The following SVIL variants were observed in gnomAD, a reference collection of about 807,000 sequenced individuals.
The protein encoded by SVIL is supervillin.
A neutral mutation model predicts 240.4 loss-of-function variants in SVIL; 101 were observed. The observed-to-expected ratio is 0.42, with a 90% CI of 0.36 to 0.50. The LOEUF is 0.50. SVIL is among the 20% of genes least tolerant of loss of function. SVIL has a pLI of 0.01. For missense variants in SVIL, 2,512 were observed against 2,818.7 expected (o/e 0.89, Z 2.46); for synonymous variants, 999 against 1,100.0 (o/e 0.91, Z 1.82).
chr10:29,730,939 C>T (rs12359769), intron 1 of SVIL, among the ~76,000 whole-genome samples: 27,254 of 152,136 alleles, frequency 0.18, 2,828 homozygotes, highest in Admixed American at 0.24. Flanking sequence ...GGGGTGCTGG[C>T]CAGGAACTGG....
chr10:29,669,608 G>C (rs1420406840), intron 2 of SVIL, among the ~76,000 whole-genome samples: 1 of 152,194 alleles, frequency 6.6e-6, no homozygotes, highest in East Asian at 1.9e-4. Flanking sequence ...CTCTATAGGA[G>C]GCCCCCACAG....
chr10:29,542,454 C>T (rs746007766), intron 6 of SVIL, among the ~76,000 whole-genome samples: 6 of 152,064 alleles, frequency 3.9e-5, no homozygotes, highest in South Asian at 2.1e-4. Context: ...AAAATCCTTA[C>T]GAAATTGCTA....
Position 29,563,301 on chromosome 10 carries a change from T to G in SVIL, c.-142-9A>C, listed in dbSNP as rs548810412. ...AGAACTCCTTCTGAAAGCTAAAAAT[T>G]ACTCCATTAATAAAGTTAAGTCCAT... is the stretch of plus-strand genomic sequence containing the variant. On this transcript the variant is annotated splice_polypyrimidine_tract_variant and intron_variant, in intron 2 of 37. Coordinates refer to ENST00000355867, the MANE Select transcript of SVIL (RefSeq NM_021738.3). 7.1e-6 allele frequency: 7 copies of G among 984,098 alleles called. No homozygotes were observed. The East Asian group carries it at 7.9e-4, about 112-fold the overall frequency. 61.0% of individuals were successfully genotyped at this position (984,098 alleles called of 1,614,324 possible).
At chr10:29,605,735 T>A (rs1480768089) in intron 1 of SVIL, among the ~76,000 whole-genome samples, 1 of 147,710 alleles carries the variant, frequency 6.8e-6, no homozygotes, top group African/African-American at 2.5e-5. Context: ...ATATATTATT[T>A]ACATAATATA....
chr10:29,488,999 G>C (rs1947701340), intron 22 of SVIL, among the ~76,000 whole-genome samples: 1 of 152,220 alleles, frequency 6.6e-6, no homozygotes, highest in Non-Finnish European at 1.5e-5. Flanking sequence ...TGTGCAGAGG[G>C]ACAAGAACTG....
intron 1 of SVIL, among the ~76,000 whole-genome samples, chr10:29,593,856 C>T (rs114523000): frequency 0.013 from 1,916 of 152,220 alleles, 33 homozygotes; most frequent in African/African-American, 0.041. Flanking sequence ...AATTTATACC[C>T]AGTTCTAAGA....
chr10:29,660,335 G>C (rs1959120684), intron 2 of SVIL, among the ~76,000 whole-genome samples: 1 of 152,066 alleles, frequency 6.6e-6, no homozygotes, highest in Non-Finnish European at 1.5e-5. Flanking sequence ...AAAAAGGCAG[G>C]GTGGGGTGGC....
Position 29,523,918 on chromosome 10 carries a change from G to C in SVIL, c.2696C>G (p.Pro899Arg), listed in dbSNP as rs766993939. Residue 899 changes from proline to arginine, a missense_variant, in exon 15 of 38, where the codon CCT (proline) becomes CGT (arginine). Coordinates refer to ENST00000355867, the MANE Select transcript of SVIL (RefSeq NM_021738.3). ...MYAGDLRTKP[P>R]LDHNASATDY... ...AGTGGCACTTGCATTGTGGTCAAGA[G>C]GTGGCTTTGTGCGAAGATCTCCGGC... The C allele has an allele frequency of 4.0e-5, 64 of 1,614,194 alleles. No individual in the cohort carries two copies. In the Middle Eastern group the frequency reaches 4.9e-4, roughly 12 times the overall value.
chr10:29,726,640 G>A lies in SVIL; in HGVS notation c.-400+9111C>T, dbSNP rs1003500860. Among the ~76,000 whole-genome samples the A allele has an allele frequency of 2.2e-4, 33 of 152,046 alleles. 1 individual carries two copies. Among genetic ancestry groups the A allele is most frequent in the Admixed American group, 2.1e-3 (32 of 15,260 alleles). On this transcript the variant is annotated intron_variant, in intron 1 of 35. Transcript: ENST00000375400. ...CAGGTGCCTGTAATCCCAGCTACTCGGGAGGCTGAGGCAGGAGAATGGCTT... is the reference window on the plus strand; with the variant it reads ...CAGGTGCCTGTAATCCCAGCTACTCAGGAGGCTGAGGCAGGAGAATGGCTT...
rs34507610 is a variant in SVIL, at chr10:29,562,769, GAAA to G, written c.-51+429_-51+431del. On this transcript the variant is annotated intron_variant, in intron 3 of 37. Coordinates refer to ENST00000355867, the MANE Select transcript of SVIL (RefSeq NM_021738.3). ...GAGCGAGACTCCGTCTCAAAAAAAA[GAAA>G]AAAAAAAAAAAAAAAAAAAAAAAAG... 9.9e-4 allele frequency among the ~76,000 whole-genome samples: 114 copies of G among 115,704 alleles called. 1 individual carries two copies. Among genetic ancestry groups the G allele is most frequent in the African/African-American group, 3.3e-3 (100 of 30,354 alleles). 75.9% of individuals were successfully genotyped at this position (115,704 alleles called of 152,430 possible). A position where few individuals can be genotyped will look rare whatever the true frequency, so the allele number is the denominator to read the frequency against.
At chr10:29,677,400 G>A (rs1343754242) in intron 2 of SVIL, among the ~76,000 whole-genome samples, 4 of 152,104 alleles carry the variant, frequency 2.6e-5, no homozygotes, top group African/African-American at 7.2e-5. Context: ...AATGCTGTCA[G>A]TGCTGCTCGG....
At position 29,476,930 on chromosome 10, in the gene SVIL, T is replaced by C. The variant is rs1163493438; in HGVS notation, c.5378-2941A>G. The stretch of plus-strand genomic sequence containing the variant: ...CGGGCTGGAGTGCAGTGACATGATC[T>C]TGGCTCAGTGCCACCTCCGCCTCCC... On this transcript the variant is annotated intron_variant, in intron 29 of 37. Transcript: ENST00000355867. Among the ~76,000 whole-genome samples, 12 of 152,316 alleles carry C rather than the reference T, an allele frequency of 7.9e-5. No homozygotes were observed. In the East Asian group the frequency reaches 1.9e-3, roughly 25 times the overall value.
chr10:29,569,480 C>T (rs1955271096), intron 1 of SVIL, among the ~76,000 whole-genome samples, 168 bp from the exon 2 acceptor site: 1 of 152,120 alleles, frequency 6.6e-6, no homozygotes. Context: ...GAATCAAATT[C>T]CACATGGAAA....
chr10:29,580,040 G>A (rs116704957), intron 1 of SVIL, among the ~76,000 whole-genome samples: 2,606 of 152,098 alleles, frequency 0.017, 50 homozygotes, highest in African/African-American at 0.054. Context: ...ATCTCTGAAG[G>A]CAAAACAGGG....
intron 1 of SVIL, among the ~76,000 whole-genome samples, chr10:29,687,628 G>A (rs897823496): frequency 1.3e-5 from 2 of 152,186 alleles, no homozygotes; most frequent in Non-Finnish European, 2.9e-5. Flanking sequence ...AGCCAAGATC[G>A]CGCCACCGCA....
chr10:29,458,761 T>C, intron 36 of SVIL, 172 bp from the exon 37 acceptor site: 1 of 554,524 alleles, frequency 1.8e-6, no homozygotes. Context: ...CCCAAAGCCC[T>C]GCAGTTGTCT....
chr10:29,666,589 G>A (rs1775208721), intron 2 of SVIL, among the ~76,000 whole-genome samples: 1 of 152,158 alleles, frequency 6.6e-6, no homozygotes, highest in African/African-American at 2.4e-5. Flanking sequence ...TTACCCTTGA[G>A]CTCAGTTTTA....
rs1964835271 is a variant in SVIL at position 29,735,290 on chromosome 10, G to A, written c.-400+461C>T. On this transcript the variant is annotated intron_variant, in intron 1 of 35. Transcript: ENST00000375400. The surrounding 1 kb of genome is among the most constrained non-coding windows in gnomAD (Gnocchi z 4.1). ...GGAGCCACCGCAGCTCCGGCCACTT[G>A]CGGCTGGTGTCGGGAAAGGAACCGG... Among the ~76,000 whole-genome samples, 1 of 151,930 alleles carries A rather than the reference G, an allele frequency of 6.6e-6. No homozygotes were observed. Among genetic ancestry groups the A allele is most frequent in the Non-Finnish European group, 1.5e-5 (1 of 67,960 alleles).
At chr10:29,558,354 T>C (rs1362272371) in intron 3 of SVIL, among the ~76,000 whole-genome samples, 2 of 152,224 alleles carry the variant, frequency 1.3e-5, no homozygotes, top group African/African-American at 2.4e-5. Flanking sequence ...TTGGTGAGCT[T>C]ATTAATTCCT....
Sources: gnomAD v4.1 joint callset for allele counts (sites outside exome capture counted in the v4.1 genomes callset) on GRCh38, gnomAD v4.1.1 for gene constraint, Gnocchi (gnomAD v3.1) non-coding constraint, MANE v1.5 for transcripts, NCBI Gene and HGNC (gene_info 2026-07-23, HGNC 2026-07-21) for gene names.